Variants in CACHD1 observed in about 807,000 individuals in gnomAD.
The protein encoded by CACHD1 is VWFA and cache domain-containing protein 1.
In CACHD1, 71 loss-of-function variants were observed where a neutral mutation model predicts 138.7. That is an observed-to-expected ratio of 0.51 (90% CI 0.42 to 0.62). The LOEUF (loss-of-function observed/expected upper bound fraction) is 0.62, where lower values mean the gene tolerates loss of function less well. CACHD1 is among the 20% of genes least tolerant of loss of function. CACHD1 has a pLI of 0.00. For synonymous variants in CACHD1, 578 were observed against 591.5 expected (o/e 0.98, Z 0.33); for missense variants, 1,389 against 1,625.3 (o/e 0.85, Z 2.50).
intron 8 of CACHD1, 28 bp from the exon 9 acceptor site, chr1:64,647,773 G>A (rs761391873): frequency 1.2e-5 from 20 of 1,601,628 alleles, no homozygotes; most frequent in African/African-American, 5.4e-5. Context: ...TTTGCTTTCC[G>A]TGGTCTTCTC....
At chr1:64,580,917 AC>A (rs1647007399) in intron 2 of CACHD1, among the ~76,000 whole-genome samples, 1 of 152,206 alleles carries the variant, frequency 6.6e-6, no homozygotes, top group Non-Finnish European at 1.5e-5. Context: ...AGGAAAACCT[AC>A]TTTATTTTAA....
At chr1:64,487,399 A>C (rs1250575970) in intron 1 of CACHD1, among the ~76,000 whole-genome samples, 2 of 152,190 alleles carry the variant, frequency 1.3e-5, no homozygotes, top group East Asian at 1.9e-4. Context: ...ATACAAGAGA[A>C]TGGGATTACA....
Position 64,678,252 on chromosome 1 carries a change from A to G in CACHD1, c.3186A>G (p.Glu1062=), listed in dbSNP as rs531726548. 4 of 1,610,630 alleles carry G rather than the reference A, an allele frequency of 2.5e-6. No homozygotes were observed. The change falls in exon 23 of 27, where the codon GAA becomes GAG. Residue 1062 remains glutamate, a synonymous_variant. Transcript: ENST00000651257. ...AACCCTACTGTGCCCCCCAGAAAGA[A>G]TGCTTCGGGGGGATTGTGGGAGCCA... The part of the protein sequence containing the change: ...LDKPYCAPQK[E]CFGGIVGAKS...
intron 1 of CACHD1, among the ~76,000 whole-genome samples, chr1:64,538,761 T>G (rs1248546613): frequency 1.3e-5 from 2 of 152,220 alleles, no homozygotes; most frequent in Non-Finnish European, 2.9e-5. Flanking sequence ...AATTCTCTCT[T>G]TGGACGTGAT....
intron 1 of CACHD1, among the ~76,000 whole-genome samples, chr1:64,496,025 T>G (rs1646304599): frequency 6.6e-6 from 1 of 152,238 alleles, no homozygotes; most frequent in African/African-American, 2.4e-5. Context: ...AGAGGGCACT[T>G]AATACCTTTG....
chr1:64,502,556 ATGTG>A (rs145000403), intron 1 of CACHD1, among the ~76,000 whole-genome samples: 2 of 151,462 alleles, frequency 1.3e-5, no homozygotes, highest in African/African-American at 4.9e-5. Flanking sequence ...GCATGCATCT[ATGTG>A]TGTGTGTGTG....
chr1:64,528,438 A>G (rs994296822), intron 1 of CACHD1, among the ~76,000 whole-genome samples: 1 of 152,190 alleles, frequency 6.6e-6, no homozygotes, highest in Non-Finnish European at 1.5e-5. Flanking sequence ...GTGTCTGCCT[A>G]GGGAATCTTA....
intron 13 of CACHD1, among the ~76,000 whole-genome samples, chr1:64,659,668 T>C (rs1649381288): frequency 6.6e-6 from 1 of 152,268 alleles, no homozygotes; most frequent in Non-Finnish European, 1.5e-5. Context: ...CTCTGCCATG[T>C]GCCAGACACA....
intron 1 of CACHD1, among the ~76,000 whole-genome samples, chr1:64,504,810 T>C (rs1206017176): frequency 6.6e-6 from 1 of 152,106 alleles, no homozygotes; most frequent in African/African-American, 2.4e-5. Context: ...TGCAACCCTT[T>C]TACAAAGCCG....
chr1:64,487,972 G>C (rs981564163), intron 1 of CACHD1, among the ~76,000 whole-genome samples: 1 of 152,128 alleles, frequency 6.6e-6, no homozygotes, highest in African/African-American at 2.4e-5. Context: ...GTAGCTGGTG[G>C]TAGATGCTTT....
At chr1:64,603,097 ATCTTTT>A (rs1557514820) in intron 4 of CACHD1, among the ~76,000 whole-genome samples, 185 bp downstream of exon 4, 19 of 134,842 alleles carry the variant, frequency 1.4e-4, no homozygotes, top group Admixed American at 2.5e-4. Flanking sequence ...TCAAGCTTAC[ATCTTTT>A]TTTTTTTTTT....
At chr1:64,628,894 T>A (rs1390121993) in intron 4 of CACHD1, among the ~76,000 whole-genome samples, 2 of 152,164 alleles carry the variant, frequency 1.3e-5, no homozygotes, top group Non-Finnish European at 2.9e-5. Flanking sequence ...GTACCATGTA[T>A]GCTGTTTCCT....
At position 64,691,382 on chromosome 1, in the gene CACHD1, T is replaced by C. The variant is rs1229661201; in HGVS notation, c.3646T>C (p.Leu1216=). The C allele has an allele frequency of 6.2e-7, 1 of 1,613,986 alleles. No individual in the cohort carries two copies. The highest frequency in any genetic ancestry group is 8.5e-7 in the Non-Finnish European group (1 of 1,180,004). Residue 1216 remains leucine, a synonymous_variant, in exon 27 of 27, where the codon TTG becomes CTG. Transcript: ENST00000651257. The part of the protein sequence containing the change: ...SENPPCNNDP[L]SAGVDVGNHD... ...AAATCCTCCATGCAACAATGACCCC[T>C]TGTCAGCCGGGGTCGATGTGGGAAA...
chr1:64,579,275 A>G (rs555289525), intron 2 of CACHD1, among the ~76,000 whole-genome samples: 1 of 152,362 alleles, frequency 6.6e-6, no homozygotes, highest in Admixed American at 6.5e-5. Context: ...CTATGTAGAA[A>G]GAGGCAGTGG....
chr1:64,539,173 T>C (rs931438043), intron 1 of CACHD1, among the ~76,000 whole-genome samples: 3 of 152,190 alleles, frequency 2.0e-5, no homozygotes, highest in Non-Finnish European at 2.9e-5. Context: ...ACTGCATTTT[T>C]TTCTTTGCGA....
intron 25 of CACHD1, 101 bp downstream of exon 25, chr1:64,681,436 AGCT>A: frequency 1.1e-6 from 1 of 918,998 alleles, no homozygotes; most frequent in Non-Finnish European, 1.7e-6. Context: ...AAATTTAAGA[AGCT>A]TTGACACGGT....
intron 26 of CACHD1, among the ~76,000 whole-genome samples, chr1:64,686,476 T>C (rs1266431307): frequency 6.6e-6 from 1 of 152,236 alleles, no homozygotes; most frequent in African/African-American, 2.4e-5. Flanking sequence ...AGAATGTTTT[T>C]TGAAAGTAGA....
chr1:64,657,818 C>T (rs1164312797), intron 12 of CACHD1, among the ~76,000 whole-genome samples: 1 of 152,208 alleles, frequency 6.6e-6, no homozygotes, highest in East Asian at 1.9e-4. Flanking sequence ...CGCTAGTCAT[C>T]AACTTCTTCA....
chr1:64,524,114 C>T (rs998058983), intron 1 of CACHD1, among the ~76,000 whole-genome samples: 2 of 152,040 alleles, frequency 1.3e-5, no homozygotes, highest in African/African-American at 2.4e-5. Context: ...TCCAACTTCC[C>T]GTAATGGTTA....
Sources: gnomAD v4.1 joint callset for allele counts (sites outside exome capture counted in the v4.1 genomes callset) on GRCh38, gnomAD v4.1.1 for gene constraint, MANE v1.5 for transcripts, NCBI Gene and HGNC (gene_info 2026-07-23, HGNC 2026-07-21) for gene names.